Variants in CELF2 observed in about 807,000 individuals in gnomAD.
CELF2 encodes the protein CUGBP Elav-like family member 2.
A neutral mutation model predicts 62.6 loss-of-function variants in CELF2; 8 were observed. The ratio of observed to expected loss-of-function variants is 0.13; its 90% CI spans 0.07 to 0.23. The LOEUF is 0.23. CELF2 is among the 10% of genes least tolerant of loss of function. The pLI, the probability that CELF2 is intolerant of heterozygous loss-of-function variation, is 1.00. For synonymous variants in CELF2, 258 were observed against 250.0 expected (o/e 1.03, Z -0.30); for missense variants, 333 against 671.0 (o/e 0.50, Z 5.56).
rs1319988449 is a variant in CELF2, at chr10:11,223,544, A to G, written c.354+6037A>G. ...TGTTTTCAGATAATACTCAAATCTC[A>G]TACAAATAAAAGCCAAACAAACAAA... is the stretch of plus-strand genomic sequence containing the variant. On this transcript the variant is annotated intron_variant, in intron 3 of 12. Coordinates refer to ENST00000633077, the MANE Select transcript of CELF2 (RefSeq NM_001326342.2). This position sits in a 1 kb window ranked among gnomAD's most constrained non-coding sequence, Gnocchi z 5.1. Among the ~76,000 whole-genome samples the G allele has an allele frequency of 1.3e-5, 2 of 152,230 alleles. No individual in the cohort carries two copies. Among genetic ancestry groups the G allele is most frequent in the Non-Finnish European group, 1.5e-5 (1 of 68,028 alleles).
At chr10:10,593,658 G>A in the CELF2 span, among the ~76,000 whole-genome samples, 3 of 152,164 alleles carry the variant, frequency 2.0e-5, no homozygotes, top group Non-Finnish European at 4.4e-5. Context: ...TGAGTGATAC[G>A]CTAAGGAAAT....
In CELF2 at chr10:11,335,634, T is replaced by C. The variant is rs904745982; in HGVS notation, c.*6581T>C. ...TTCTGCTTTCAGTCTCCTCATAGCC[T>C]TCGGCAGTCTCCTCTGAAAACACAC... On this transcript the variant is annotated 3_prime_UTR_variant, in exon 13 of 13. Transcript: ENST00000633077. The surrounding 1 kb of genome is among the most constrained non-coding windows in gnomAD (Gnocchi z 5.0). 1.3e-5 allele frequency: 2 copies of C among 152,158 alleles called. No homozygotes were observed. Among genetic ancestry groups the C allele is most frequent in the African/African-American group, 4.8e-5 (2 of 41,432 alleles). 9.4% of individuals were successfully genotyped at this position (152,158 alleles called of 1,614,324 possible). A position where few individuals can be genotyped will look rare whatever the true frequency, so the allele number is the denominator to read the frequency against.
chr10:10,747,322 C>T, the CELF2 span, among the ~76,000 whole-genome samples: 1 of 152,080 alleles, frequency 6.6e-6, no homozygotes, highest in Non-Finnish European at 1.5e-5. Context: ...GTAAAACACA[C>T]AAAAAATTGA....
chr10:10,736,951 C>G, the CELF2 span, among the ~76,000 whole-genome samples: 1 of 152,084 alleles, frequency 6.6e-6, no homozygotes, highest in Non-Finnish European at 1.5e-5. Flanking sequence ...GAAAATTACT[C>G]AAGCAGGATG....
intron 1 of CELF2, among the ~76,000 whole-genome samples, chr10:10,912,942 G>A (rs117106363): frequency 9.7e-4 from 147 of 152,254 alleles, no homozygotes; most frequent in South Asian, 5.4e-3. Flanking sequence ...TAACTACTTC[G>A]TGAGGCTTTT....
rs2137270412 is a variant in CELF2 at position 11,008,548 on chromosome 10, G to A, written c.53+3108G>A. Among the ~76,000 whole-genome samples, 1 of 152,314 alleles carries A rather than the reference G, an allele frequency of 6.6e-6. No homozygotes were observed. The highest frequency in any genetic ancestry group is 1.9e-4 in the East Asian group (1 of 5,194). On this transcript the variant is annotated intron_variant, in intron 1 of 12. Transcript: ENST00000416382. The surrounding 1 kb of genome is among the most constrained non-coding windows in gnomAD (Gnocchi z 4.5). ...GTGCAGATTGTGCTAGAAGACCGAG[G>A]AAGTCATTCAAAGAGTGAATCAATA...
chr10:10,638,646 A>C, the CELF2 span, among the ~76,000 whole-genome samples: 1 of 152,236 alleles, frequency 6.6e-6, no homozygotes, highest in African/African-American at 2.4e-5. Flanking sequence ...GTGGGTGCTT[A>C]CTAAAGGACA....
At chr10:10,563,972 C>T in the CELF2 span, among the ~76,000 whole-genome samples, 1 of 152,146 alleles carries the variant, frequency 6.6e-6, no homozygotes, top group Non-Finnish European at 1.5e-5. Flanking sequence ...GAGTGTGGCT[C>T]AAAGTTTGAG....
At chr10:11,173,197 G>T (rs977397437) in intron 2 of CELF2, among the ~76,000 whole-genome samples, 1 of 152,166 alleles carries the variant, frequency 6.6e-6, no homozygotes, top group African/African-American at 2.4e-5. Context: ...ACCATACCGT[G>T]GGGGCATTAG....
the CELF2 span, among the ~76,000 whole-genome samples, chr10:10,770,332 A>T: frequency 6.6e-6 from 1 of 151,560 alleles, no homozygotes; most frequent in African/African-American, 2.4e-5. Context: ...ACTCCATCTC[A>T]ATCAATCAAT....
chr10:11,264,859 G>C (rs2081720496), intron 5 of CELF2, among the ~76,000 whole-genome samples: 1 of 152,252 alleles, frequency 6.6e-6, no homozygotes, highest in Admixed American at 6.5e-5. Flanking sequence ...AACCACATGA[G>C]ACAGCTCAGC....
chr10:11,077,465 A>G (rs186777669), intron 1 of CELF2, among the ~76,000 whole-genome samples: 15 of 152,318 alleles, frequency 9.8e-5, no homozygotes, highest in African/African-American at 3.6e-4. Context: ...CCTAAGCGTG[A>G]TCAAAATACC....
At chr10:10,620,990 G>A in the CELF2 span, among the ~76,000 whole-genome samples, 3 of 147,582 alleles carry the variant, frequency 2.0e-5, no homozygotes, top group Admixed American at 6.8e-5. Flanking sequence ...TTGGGAGGCC[G>A]AGGCGGGCAG....
chr10:10,517,859 T>A, the CELF2 span, among the ~76,000 whole-genome samples: 1 of 152,200 alleles, frequency 6.6e-6, no homozygotes, highest in East Asian at 1.9e-4. Context: ...TGCTGAGGAA[T>A]TATGTGGTTA....
intron 2 of CELF2, among the ~76,000 whole-genome samples, chr10:11,176,453 G>A (rs972707742): frequency 2.0e-5 from 3 of 152,174 alleles, no homozygotes; most frequent in Non-Finnish European, 4.4e-5. Context: ...ACCAAAGAGT[G>A]ACTGATAGTG....
intron 1 of CELF2, among the ~76,000 whole-genome samples, chr10:11,162,053 T>A (rs1198442309): frequency 2.0e-5 from 3 of 151,716 alleles, no homozygotes; most frequent in Non-Finnish European, 2.9e-5. Flanking sequence ...GAGAAGGGAG[T>A]AAACCAAGCT....
chr10:10,544,438 C>T, the CELF2 span, among the ~76,000 whole-genome samples: 5 of 152,318 alleles, frequency 3.3e-5, no homozygotes, highest in Admixed American at 1.3e-4. Context: ...TTTGAACAAA[C>T]GGGTTTTCGC....
chr10:11,059,961 G>A (rs1057349573), intron 1 of CELF2, among the ~76,000 whole-genome samples: 16 of 152,168 alleles, frequency 1.1e-4, no homozygotes, highest in African/African-American at 3.9e-4. Flanking sequence ...CCGTTGAATT[G>A]GTCATAGTTC....
chr10:10,803,239 A>G (rs1163600847), intron 1 of CELF2, among the ~76,000 whole-genome samples: 2 of 152,168 alleles, frequency 1.3e-5, no homozygotes, highest in African/African-American at 4.8e-5. Flanking sequence ...AGATTCTGTG[A>G]CTTCCCTACT....
Sources: allele counts gnomAD v4.1 joint callset (sites outside exome capture counted in the v4.1 genomes callset), GRCh38; gene constraint gnomAD v4.1.1; non-coding constraint Gnocchi (gnomAD v3.1); transcripts MANE v1.5; gene names NCBI Gene and HGNC (gene_info 2026-07-23, HGNC 2026-07-21).